RNPC3: variants seen among roughly 807,000 people sequenced by gnomAD.
The protein encoded by RNPC3 is RNA-binding region-containing protein 3.
In RNPC3, 48 loss-of-function variants were observed where a neutral mutation model predicts 67.5. The ratio of observed to expected loss-of-function variants is 0.71; its 90% CI spans 0.56 to 0.90. The LOEUF (loss-of-function observed/expected upper bound fraction) is 0.90. RNPC3 is among the 40% of genes least tolerant of loss of function. The pLI is 0.00. For synonymous variants in RNPC3, 239 were observed against 210.3 expected (o/e 1.14, Z -1.18); for missense variants, 637 against 626.1 (o/e 1.02, Z -0.19).
At chr1:103,555,008 T>G (rs1651502600) in intron 14 of RNPC3, 26 bp from the exon 15 acceptor site, 1 of 152,154 alleles carries the variant, frequency 6.6e-6, no homozygotes, top group African/African-American at 2.4e-5. Context: ...ACTTCCTATT[T>G]TTAATGGGCT....
chr1:103,549,216 A>T lies in RNPC3; in HGVS notation c.1362-1725A>T, dbSNP rs186522476. Among the ~76,000 whole-genome samples, 32 of 152,346 alleles carry T rather than the reference A, an allele frequency of 2.1e-4. No individual in the cohort carries two copies. The East Asian group carries it at 6.0e-3, about 28-fold the overall frequency. On this transcript the variant is annotated intron_variant, in intron 12 of 14. Coordinates refer to ENST00000423855, the MANE Select transcript of RNPC3 (RefSeq NM_017619.4). Reference sequence around the variant, plus strand: ...AAGTATGAAAGACTCCCTGTCATATAAATTAAAAGTAAGAAGAAGTAGAAA... The same window carrying T: ...AAGTATGAAAGACTCCCTGTCATATTAATTAAAAGTAAGAAGAAGTAGAAA...
At position 103,525,936 on chromosome 1, in the gene RNPC3, T is replaced by A. The variant is rs1650690680; in HGVS notation, c.-135T>A. The stretch of plus-strand genomic sequence containing the variant: ...GGCGCAGTTCTCGCGAGAAGGTGAC[T>A]TTCTTTCTCGGTATTTCCTGGTTTC... On this transcript the variant is annotated 5_prime_UTR_variant, in exon 1 of 15. Transcript: ENST00000423855. 1 of 735,020 alleles carries A rather than the reference T, an allele frequency of 1.4e-6. No homozygotes were observed. The highest frequency in any genetic ancestry group is 3.0e-5 in the Admixed American group (1 of 33,026). The allele number at this position is 735,020 out of a possible 1,614,324, so 45.5% of individuals were successfully genotyped here. A position where few individuals can be genotyped will look rare whatever the true frequency, so the allele number is the denominator to read the frequency against.
At chr1:103,528,479 A>G (rs1010696608) in intron 2 of RNPC3, among the ~76,000 whole-genome samples, 2 of 152,188 alleles carry the variant, frequency 1.3e-5, no homozygotes, top group Non-Finnish European at 2.9e-5. Flanking sequence ...GTAAATATAT[A>G]TTCAATAGAG....
At chr1:103,528,883 A>T (rs1235612470) in intron 2 of RNPC3, among the ~76,000 whole-genome samples, 1 of 152,218 alleles carries the variant, frequency 6.6e-6, no homozygotes, top group Non-Finnish European at 1.5e-5. Flanking sequence ...ATGATGCAAA[A>T]TGAGGAATGA....
At chr1:103,529,188 C>A (rs1464564849) in intron 2 of RNPC3, among the ~76,000 whole-genome samples, 3 of 152,064 alleles carry the variant, frequency 2.0e-5, no homozygotes, top group Non-Finnish European at 4.4e-5. Context: ...TTAAAAACAT[C>A]TTTCTCTGAG....
In RNPC3 at chr1:103,551,731, G is replaced by A. The variant is rs1254907332; in HGVS notation, c.1505G>A (p.Arg502Gln). The change falls in exon 14 of 15, where the codon CGA (arginine) becomes CAA (glutamine). Residue 502 changes from arginine to glutamine, a missense_variant. Around this residue, in one of 3 missense-constraint regions of RNPC3, gnomAD observed 96 missense variants for 105.8 expected, o/e 0.91. Coordinates refer to ENST00000423855, the MANE Select transcript of RNPC3 (RefSeq NM_017619.4). Reference sequence around the variant, plus strand: ...ATTTTAAATTATTAGCAGTTTGCTCGATCTGCTAGACCAAAACAAGATCCT... The same window carrying A: ...ATTTTAAATTATTAGCAGTTTGCTCAATCTGCTAGACCAAAACAAGATCCT... ...FGKPMVVQFA[R>Q]SARPKQDPKE... 4 of 1,528,466 alleles carry A rather than the reference G, an allele frequency of 2.6e-6. No homozygotes were observed. Among genetic ancestry groups the A allele is most frequent in the East Asian group, 2.5e-5 (1 of 40,724 alleles). The allele number at this position is 1,528,466 out of a possible 1,614,324, so 94.7% of individuals were successfully genotyped here. A position where few individuals can be genotyped will look rare whatever the true frequency, so the allele number is the denominator to read the frequency against.
At chr1:103,537,628 A>G in intron 7 of RNPC3, 144 bp downstream of exon 7, 1 of 594,560 alleles carries the variant, frequency 1.7e-6, no homozygotes, top group Non-Finnish European at 2.8e-6. Flanking sequence ...CACCTCAGGC[A>G]TATATAGCAG....
At chr1:103,550,262 G>A (rs758586690) in intron 12 of RNPC3, among the ~76,000 whole-genome samples, 43 of 151,990 alleles carry the variant, frequency 2.8e-4, no homozygotes, top group Non-Finnish European at 2.8e-4. Context: ...TGGTTATGTA[G>A]TAGTAGTTGT....
intron 9 of RNPC3, 63 bp downstream of exon 9, chr1:103,543,510 C>A: frequency 8.5e-7 from 1 of 1,179,080 alleles, no homozygotes. Context: ...TTAAGTTTTA[C>A]ATATAATGTT....
At chr1:103,535,137 A>G (rs1302980314) in intron 4 of RNPC3, among the ~76,000 whole-genome samples, 193 bp from the exon 5 acceptor site, 1 of 152,068 alleles carries the variant, frequency 6.6e-6, no homozygotes, top group African/African-American at 2.4e-5. Context: ...GTTCAGAGCT[A>G]CAAGATAAAC....
chr1:103,528,112 A>AT (rs1425856167), intron 2 of RNPC3, among the ~76,000 whole-genome samples: 4 of 152,282 alleles, frequency 2.6e-5, no homozygotes, highest in African/African-American at 9.6e-5. Flanking sequence ...GATTAATTGG[A>AT]TTTTTTCAGA....
intron 14 of RNPC3, chr1:103,554,476 A>G (rs1651484267): frequency 6.6e-6 from 1 of 152,632 alleles, no homozygotes; most frequent in Non-Finnish European, 1.5e-5. Flanking sequence ...TTAATATACA[A>G]ACAAGGTCGA....
intron 2 of RNPC3, among the ~76,000 whole-genome samples, chr1:103,532,502 G>A (rs1462515129): frequency 6.6e-6 from 1 of 152,060 alleles, no homozygotes; most frequent in African/African-American, 2.4e-5. Context: ...AGTCTGTGCT[G>A]AAATTATAAA....
At chr1:103,542,661 T>C (rs1557759222) in intron 8 of RNPC3, among the ~76,000 whole-genome samples, 1 of 151,896 alleles carries the variant, frequency 6.6e-6, no homozygotes, top group Non-Finnish European at 1.5e-5. Context: ...ATGATACTTG[T>C]TTTATACATG....
In RNPC3 at chr1:103,551,011, G is replaced by A. The variant is rs375767925; in HGVS notation, c.1432G>A (p.Ala478Thr). 45 of 1,612,120 alleles carry A rather than the reference G, an allele frequency of 2.8e-5. No homozygotes were observed. The highest frequency in any genetic ancestry group is 3.8e-5 in the Non-Finnish European group (45 of 1,179,560). ...TTTCATTGGACTTCCTAATGAAAAA[G>A]CAGCAGCAAAAGCCTTAAAGGAAGC... ...QAFIGLPNEK[A>T]AAKALKEANG... is the part of the protein sequence containing the mutation. The change falls in exon 13 of 15, where the codon GCA becomes ACA. Residue 478 changes from alanine (A) to threonine (T), a missense_variant. By Grantham distance (58) the Ala-to-Thr change is moderately conservative. This residue lies in a region of RNPC3 where 96 missense variants were observed against 105.8 expected (regional missense o/e 0.91). Transcript: ENST00000423855.
At position 103,537,458 on chromosome 1, in the gene RNPC3, A is replaced by G. The variant is rs1286855057; in HGVS notation, c.741A>G (p.Glu247=). The change falls in exon 7 of 15, where the codon GAA becomes GAG. Residue 247 remains glutamate (E), a synonymous_variant. Transcript: ENST00000423855. The part of the protein sequence containing the change: ...EELSSEESEY[E]STDDEDRQRM... ...TATCTAGTGAAGAATCAGAATATGAAAGCACTGATGATGAGGACCGACAGA... is the reference window on the plus strand; with the variant it reads ...TATCTAGTGAAGAATCAGAATATGAGAGCACTGATGATGAGGACCGACAGA... 1 of 1,536,502 alleles carries G rather than the reference A, an allele frequency of 6.5e-7. No individual in the cohort carries two copies. The highest frequency in any genetic ancestry group is 8.7e-7 in the Non-Finnish European group (1 of 1,146,656).
intron 2 of RNPC3, among the ~76,000 whole-genome samples, chr1:103,532,017 A>G (rs898394832): frequency 2.6e-5 from 4 of 152,060 alleles, no homozygotes; most frequent in African/African-American, 4.8e-5. Flanking sequence ...AAGGTGAGAG[A>G]TGAGGATCCA....
rs1650700119 is a variant in RNPC3, at chr1:103,526,158, C to G, written c.88C>G (p.Leu30Val). ...CCCGCCTCGGGGCGACCGAACCCTT[C>G]TGGTCAGGCACCTGCCGGCTGAGCT... The part of the protein sequence containing the change: ...LSPPRGDRTL[L>V]VRHLPAELTA... The change falls in exon 1 of 15, where the codon CTG (leucine) becomes GTG (valine). Residue 30 changes from leucine (L) to valine (V), a missense_variant. Leu to Val is a conservative substitution (Grantham distance 32). Around this residue, in one of 3 missense-constraint regions of RNPC3, gnomAD observed 536 missense variants for 500.3 expected, o/e 1.07. Coordinates refer to ENST00000423855, the MANE Select transcript of RNPC3 (RefSeq NM_017619.4). The G allele has an allele frequency of 1.9e-6, 3 of 1,551,558 alleles. No individual in the cohort carries two copies. The highest frequency in any genetic ancestry group is 2.6e-6 in the Non-Finnish European group (3 of 1,146,912).
intron 1 of RNPC3, among the ~76,000 whole-genome samples, chr1:103,527,452 A>G (rs2101040720): frequency 6.6e-6 from 1 of 152,324 alleles, no homozygotes; most frequent in South Asian, 2.1e-4. Flanking sequence ...CTTTTGAACT[A>G]TTTGCATGTG....
Sources: allele counts gnomAD v4.1 joint callset (sites outside exome capture counted in the v4.1 genomes callset), GRCh38; gene constraint gnomAD v4.1.1; regional missense constraint gnomAD v4.1.1; transcripts MANE v1.5; gene names NCBI Gene and HGNC (gene_info 2026-07-23, HGNC 2026-07-21).